ABCC8: variants seen among roughly 807,000 people sequenced by gnomAD.
The protein encoded by ABCC8 is ATP binding cassette subfamily C member 8.
Under a neutral mutation model 188.0 loss-of-function variants are expected in ABCC8, and 137 were observed. The ratio of observed to expected loss-of-function variants is 0.73; its 90% CI spans 0.63 to 0.84. The LOEUF (loss-of-function observed/expected upper bound fraction) is 0.84, where lower values mean the gene tolerates loss of function less well. ABCC8 is among the 40% of genes least tolerant of loss of function. The pLI, the probability that ABCC8 is intolerant of heterozygous loss-of-function variation, is 0.00. For missense variants in ABCC8, 1,750 were observed against 2,072.7 expected, an observed-to-expected ratio of 0.84 and a Z score of 3.02; for synonymous variants, 797 against 846.5, an observed-to-expected ratio of 0.94 and a Z score of 1.01.
chr11:17,446,247 C>T (rs149094136), intron 8 of ABCC8, among the ~76,000 whole-genome samples: 2 of 152,102 alleles, frequency 1.3e-5, no homozygotes, highest in African/African-American at 4.8e-5. Context: ...ATTACAGGAG[C>T]GAGCCACCAT....
At chr11:17,475,417 T>C (rs4148600) in intron 1 of ABCC8, among the ~76,000 whole-genome samples, 41,457 of 151,058 alleles carry the variant, frequency 0.27, 5,958 homozygotes, top group Middle Eastern at 0.36. Flanking sequence ...GCGGGGGGGG[T>C]CTCACTATGT....
chr11:17,442,684 GC>G (rs1956362500), intron 10 of ABCC8, 35 bp downstream of exon 10: 1 of 1,603,740 alleles, frequency 6.2e-7, no homozygotes, highest in Non-Finnish European at 8.5e-7. Context: ...CATGTACGCA[GC>G]AGCACCCAGG....
intron 7 of ABCC8, among the ~76,000 whole-genome samples, chr11:17,449,002 C>T (rs1428091663): frequency 6.6e-6 from 1 of 152,206 alleles, no homozygotes; most frequent in East Asian, 1.9e-4. Flanking sequence ...TCTCAGCTCA[C>T]TGCAGCCTCC....
intron 29 of ABCC8, among the ~76,000 whole-genome samples, chr11:17,398,824 C>T (rs770083501): frequency 1.3e-4 from 20 of 152,284 alleles, no homozygotes; most frequent in Non-Finnish European, 2.2e-4. Flanking sequence ...CTCTATCCTG[C>T]TTCCTGCCCA....
chr11:17,417,112 A>G, intron 16 of ABCC8, 150 bp from the exon 17 acceptor site: 1 of 1,525,004 alleles, frequency 6.6e-7, no homozygotes, highest in Admixed American at 2.0e-5. Flanking sequence ...GGGGTCAGAA[A>G]GCACTCTTCT....
chr11:17,406,396 T>C lies in ABCC8; in HGVS notation c.3329+226A>G. The C allele has an allele frequency of 1.0e-5, 6 of 591,610 alleles. No homozygotes were observed. The East Asian group carries it at 1.7e-4, about 17-fold the overall frequency. The allele number at this position is 591,610 out of a possible 1,614,324, so 36.6% of individuals were successfully genotyped here. ...TCACTTTAAAGGGCCATGGTAACAA[T>C]TAAATGAGCTAACCACACACAATGC... is the stretch of plus-strand genomic sequence containing the variant. On this transcript the variant is annotated intron_variant, in intron 26 of 38. Transcript: ENST00000389817.
chr11:17,430,416 C>G, intron 12 of ABCC8: 1 of 344,424 alleles, frequency 2.9e-6, no homozygotes, highest in South Asian at 2.4e-5. Context: ...AAGATAGACA[C>G]AGTGGATGCC....
intron 10 of ABCC8, chr11:17,436,289 T>TG (rs758011180): frequency 9.4e-4 from 377 of 401,848 alleles, no homozygotes; most frequent in Non-Finnish European, 1.4e-3. Context: ...CTGGGAAGTC[T>TG]GGGGTTGTTA....
rs367984607 is a variant in ABCC8, at chr11:17,448,487, C to T, written c.1332+29G>A. On this transcript the variant is annotated intron_variant, in intron 8 of 38. Transcript: ENST00000389817. ...ATTCTGGTTGTGTGTCCTGCTGCCCCCCTCCCTTCCCCTCAGCCCATCTAG... is the reference window on the plus strand; with the variant it reads ...ATTCTGGTTGTGTGTCCTGCTGCCCTCCTCCCTTCCCCTCAGCCCATCTAG... The T allele has an allele frequency of 6.9e-6, 11 of 1,603,320 alleles. No homozygotes were observed. The East Asian group carries it at 1.6e-4, about 23-fold the overall frequency.
At chr11:17,450,264 T>TTCTTTCTTTC in intron 7 of ABCC8, among the ~76,000 whole-genome samples, 1 of 85,618 alleles carries the variant, frequency 1.2e-5, no homozygotes, top group Admixed American at 1.0e-4. Flanking sequence ...TTCTTTCTCT[T>TTCTTTCTTTC]TCTTTCTTTC....
chr11:17,457,329 A>G (rs1957032371), intron 6 of ABCC8, among the ~76,000 whole-genome samples: 1 of 152,174 alleles, frequency 6.6e-6, no homozygotes, highest in African/African-American at 2.4e-5. Flanking sequence ...AACAGAACAC[A>G]CATATAGAAC....
In ABCC8 at chr11:17,397,238, G is replaced by A. The variant is rs751671228; in HGVS notation, c.3943C>T (p.His1315Tyr). The A allele has an allele frequency of 1.2e-6, 2 of 1,613,766 alleles. No individual in the cohort carries two copies. Among genetic ancestry groups the A allele is most frequent in the Non-Finnish European group, 1.7e-6 (2 of 1,180,020 alleles). ...TCTGCCTCGGTTTTCAGGAGCCCAT[G>A]GATGCGCTTCACAGCCCCCAGCTGG... is the stretch of plus-strand genomic sequence containing the variant. Reference protein sequence around the residue: ...ELQLGAVKRIHGLLKTEAESY... With the variant: ...ELQLGAVKRIYGLLKTEAESY... The change falls in exon 32 of 39, where the codon CAT becomes TAT. Residue 1315 changes from histidine (H) to tyrosine (Y), a missense_variant. By Grantham distance (83) the His-to-Tyr change is moderately conservative. Transcript: ENST00000389817.
In ABCC8 at chr11:17,463,580, G is replaced by T; in HGVS notation, c.437C>A (p.Ala146Asp). Residue 146 changes from alanine (A) to aspartate (D), a missense_variant, in exon 4 of 39, where the codon GCC (alanine) becomes GAC (aspartate). By Grantham distance (126) the Ala-to-Asp change is moderately radical. Coordinates refer to ENST00000389817, the MANE Select transcript of ABCC8 (RefSeq NM_000352.6). ...LIALLVYWTL[A>D]FITKTIKFVK... ...AAACTTGATGGTCTTGGTGATGAAG[G>T]CCAGGGTCCAATACACCAGCAGGGC... 1 of 1,587,890 alleles carries T rather than the reference G, an allele frequency of 6.3e-7. No individual in the cohort carries two copies. The highest frequency in any genetic ancestry group is 1.2e-5 in the South Asian group (1 of 86,760).
chr11:17,450,685 C>CATTTTTTT (rs1956780731), intron 7 of ABCC8, among the ~76,000 whole-genome samples: 1 of 76,706 alleles, frequency 1.3e-5, no homozygotes, highest in Admixed American at 1.9e-4. Context: ...GCATGAGCCA[C>CATTTTTTT]TTTTTTTTTT....
At chr11:17,418,643 G>A (rs1955191762) in intron 16 of ABCC8, among the ~76,000 whole-genome samples, 1 of 152,134 alleles carries the variant, frequency 6.6e-6, no homozygotes, top group Non-Finnish European at 1.5e-5. Context: ...TGATGCATCT[G>A]TGGCATTCCT....
rs1489516654 is a variant in ABCC8, at chr11:17,397,768, G to T, written c.3783C>A (p.Ile1261=). The part of the protein sequence containing the change: ...MEYIGACVVL[I]AAVTSISNSL... Reference sequence around the variant, plus strand: ...AGTTGGAGATGGAGGTCACCGCTGCGATGAGCACCACACATGCACCGATGT... The same window carrying T: ...AGTTGGAGATGGAGGTCACCGCTGCTATGAGCACCACACATGCACCGATGT... The change falls in exon 31 of 39, where the codon ATC becomes ATA. Residue 1261 remains isoleucine (I), a synonymous_variant. Transcript: ENST00000389817. 1 of 1,613,846 alleles carries T rather than the reference G, an allele frequency of 6.2e-7. No individual in the cohort carries two copies. Among genetic ancestry groups the T allele is most frequent in the Non-Finnish European group, 8.5e-7 (1 of 1,179,998 alleles).
intron 16 of ABCC8, among the ~76,000 whole-genome samples, chr11:17,421,446 T>A (rs1221035295): frequency 6.6e-6 from 1 of 152,176 alleles, no homozygotes; most frequent in Non-Finnish European, 1.5e-5. Context: ...TCTTAAGTTG[T>A]TCCTGGTTCA....
intron 3 of ABCC8, among the ~76,000 whole-genome samples, chr11:17,463,964 C>T (rs1246769730): frequency 1.3e-5 from 2 of 152,144 alleles, no homozygotes; most frequent in Non-Finnish European, 2.9e-5. Context: ...TATTCCTCAC[C>T]ATAACTTTTC....
chr11:17,402,553 C>T lies in ABCC8; in HGVS notation c.3650+108G>A, dbSNP rs112416658. ...GGACCTGAGGCAGCTTGAGAGAGAA[C>T]GTGTCCTTGGCCTTCCCAAGTGGAG... is the stretch of plus-strand genomic sequence containing the variant. On this transcript the variant is annotated intron_variant, in intron 29 of 38. Coordinates refer to ENST00000389817, the MANE Select transcript of ABCC8 (RefSeq NM_000352.6). The T allele has an allele frequency of 3.9e-3, 6,225 of 1,601,778 alleles. 23 individuals carry two copies. The highest frequency in any genetic ancestry group is 4.6e-3 in the Non-Finnish European group (5,376 of 1,174,570).
Sources: allele counts gnomAD v4.1 joint callset (sites outside exome capture counted in the v4.1 genomes callset), GRCh38; gene constraint gnomAD v4.1.1; transcripts MANE v1.5; gene names NCBI Gene and HGNC (gene_info 2026-07-23, HGNC 2026-07-21).